The following GABRA5 variants were observed in gnomAD, a reference collection of about 807,000 sequenced individuals.
GABRA5 encodes gamma-aminobutyric acid receptor subunit alpha-5.
In GABRA5, 18 loss-of-function variants were observed where a neutral mutation model predicts 47.3. The ratio of observed to expected loss-of-function variants is 0.38; its 90% confidence interval spans 0.26 to 0.56. The LOEUF (loss-of-function observed/expected upper bound fraction) is 0.56, where lower values mean the gene tolerates loss of function less well. Ranked by LOEUF, GABRA5 falls within the 20% of genes least tolerant of loss-of-function variation. The pLI, the probability that GABRA5 is intolerant of heterozygous loss-of-function variation, is 0.71. For synonymous variants in GABRA5, 237 were observed against 229.3 expected, an observed-to-expected ratio of 1.03 and a Z score of -0.30; for missense variants, 365 against 599.3, an observed-to-expected ratio of 0.61 and a Z score of 4.08.
At chr15:26,880,606 G>T in intron 3 of GABRA5, 1 of 376,810 alleles carries the variant, frequency 2.7e-6, no homozygotes, top group East Asian at 4.9e-5. Flanking sequence ...ATCACAGAAT[G>T]ATAGACTTTG....
At chr15:26,937,150 A>G in intron 7 of GABRA5, 35 bp from the exon 8 acceptor site, 1 of 1,612,038 alleles carries the variant, frequency 6.2e-7, no homozygotes, top group Non-Finnish European at 8.5e-7. Flanking sequence ...GAATGATTTC[A>G]TGTTTATGTC....
At chr15:26,941,650 C>T (rs1894387296) in intron 9 of GABRA5, among the ~76,000 whole-genome samples, 1 of 152,144 alleles carries the variant, frequency 6.6e-6, no homozygotes, top group Non-Finnish European at 1.5e-5. Context: ...TGTATCATCT[C>T]ACACTTCTGG....
At chr15:26,929,996 TC>T (rs1894053718) in intron 7 of GABRA5, among the ~76,000 whole-genome samples, 2 of 130,810 alleles carry the variant, frequency 1.5e-5, no homozygotes, top group South Asian at 2.6e-4. Context: ...TTCTTCTTCT[TC>T]TTCTTCTTCT....
chr15:26,889,999 G>A (rs1050612755), intron 6 of GABRA5, among the ~76,000 whole-genome samples: 2 of 152,132 alleles, frequency 1.3e-5, no homozygotes, highest in Admixed American at 1.3e-4. Flanking sequence ...AAAATATACA[G>A]CATTGAAAAC....
intron 8 of GABRA5, among the ~76,000 whole-genome samples, 160 bp downstream of exon 8, chr15:26,937,488 A>G (rs946542791): frequency 1.6e-4 from 24 of 152,258 alleles, no homozygotes; most frequent in African/African-American, 5.5e-4. Flanking sequence ...CATGGGCCAC[A>G]GCTGTATGAG....
Position 26,883,339 on chromosome 15 carries a change from G to A in GABRA5, c.279G>A (p.Glu93=), listed in dbSNP as rs1249634200. 2 of 1,613,834 alleles carry A rather than the reference G, an allele frequency of 1.2e-6. No homozygotes were observed. Among genetic ancestry groups the A allele is most frequent in the African/African-American group, 1.3e-5 (1 of 74,920 alleles). ...SFGPVSDTEM[E]YTIDVFFRQS... ...CCTCGTGCCTTCCTTTCCACTAGGA[G>A]TACACCATAGACGTGTTTTTCCGAC... Residue 93 remains glutamate (E), a splice_region_variant and synonymous_variant, in exon 6 of 11, where the codon GAG becomes GAA. Transcript: ENST00000335625. This position sits in a 1 kb window ranked among gnomAD's most constrained non-coding sequence, Gnocchi z 4.8.
chr15:26,919,995 A>G (rs1372548930), intron 7 of GABRA5, among the ~76,000 whole-genome samples: 1 of 151,888 alleles, frequency 6.6e-6, no homozygotes, highest in African/African-American at 2.4e-5. Context: ...ATGACTATTT[A>G]TAACAACTGG....
At chr15:26,916,440 G>A (rs1180166025) in intron 7 of GABRA5, among the ~76,000 whole-genome samples, 1 of 152,096 alleles carries the variant, frequency 6.6e-6, no homozygotes, top group Non-Finnish European at 1.5e-5. Context: ...CTCTATGTCA[G>A]CCTTTATGCC....
At chr15:26,881,171 G>A (rs1013766822) in intron 4 of GABRA5, among the ~76,000 whole-genome samples, 6 of 152,082 alleles carry the variant, frequency 3.9e-5, no homozygotes, top group African/African-American at 9.7e-5. Context: ...TTTTCTAGAC[G>A]CAAGATCCTT....
chr15:26,930,354 C>T (rs996868476), intron 7 of GABRA5, among the ~76,000 whole-genome samples: 1 of 152,136 alleles, frequency 6.6e-6, no homozygotes, highest in African/African-American at 2.4e-5. Context: ...ATTTCCCTCT[C>T]CTCCCATTTT....
chr15:26,880,648 C>T (rs969084938), intron 3 of GABRA5, 198 bp from the exon 4 acceptor site: 8 of 481,594 alleles, frequency 1.7e-5, no homozygotes, highest in Admixed American at 3.6e-5. Context: ...ATAACTAGCC[C>T]CAAGCAGAGT....
intron 7 of GABRA5, among the ~76,000 whole-genome samples, chr15:26,935,671 C>T (rs766888099): frequency 1.3e-5 from 2 of 152,240 alleles, no homozygotes. Flanking sequence ...CGAATCCCAT[C>T]GCGTCTCATG....
At chr15:26,896,008 C>A (rs1052014196) in intron 6 of GABRA5, among the ~76,000 whole-genome samples, 2 of 152,094 alleles carry the variant, frequency 1.3e-5, no homozygotes, top group African/African-American at 4.8e-5. Context: ...CCCTTCCCTG[C>A]ACCCTGTGGT....
intron 6 of GABRA5, among the ~76,000 whole-genome samples, chr15:26,900,142 G>A (rs961270111): frequency 1.3e-5 from 2 of 151,966 alleles, no homozygotes; most frequent in Non-Finnish European, 2.9e-5. Flanking sequence ...CTTAGTTTCA[G>A]TCATATATAA....
intron 9 of GABRA5, among the ~76,000 whole-genome samples, chr15:26,942,107 C>T (rs1894398647): frequency 6.6e-6 from 1 of 152,180 alleles, no homozygotes; most frequent in African/African-American, 2.4e-5. Flanking sequence ...GGCCTGGCTC[C>T]CAGTGTGGGT....
At chr15:26,944,546 G>A (rs1894466001) in intron 10 of GABRA5, among the ~76,000 whole-genome samples, 1 of 152,240 alleles carries the variant, frequency 6.6e-6, no homozygotes, top group Admixed American at 6.5e-5. Context: ...TTTGAGGGCT[G>A]AGAGGAGGGA....
chr15:26,869,497 C>T (rs770597952), intron 3 of GABRA5, among the ~76,000 whole-genome samples, 163 bp downstream of exon 3: 7 of 152,202 alleles, frequency 4.6e-5, no homozygotes, highest in East Asian at 1.9e-4. Context: ...CCCTGACCCA[C>T]GCTTTCTTCC....
chr15:26,925,516 T>C (rs1253920349), intron 7 of GABRA5, among the ~76,000 whole-genome samples: 1 of 152,200 alleles, frequency 6.6e-6, no homozygotes, highest in African/African-American at 2.4e-5. Context: ...GATTTACTGT[T>C]AGTTTTTTAT....
chr15:26,915,769 A>G (rs1893703237), intron 7 of GABRA5, among the ~76,000 whole-genome samples: 1 of 152,200 alleles, frequency 6.6e-6, no homozygotes, highest in African/African-American at 2.4e-5. Context: ...GAGATGAAGC[A>G]TGAAAACTGT....
Sources: gnomAD v4.1 joint callset for allele counts (sites outside exome capture counted in the v4.1 genomes callset) on GRCh38, gnomAD v4.1.1 for gene constraint, Gnocchi (gnomAD v3.1) non-coding constraint, MANE v1.5 for transcripts, NCBI Gene and HGNC (gene_info 2026-07-23, HGNC 2026-07-21) for gene names.